Variants in BCKDHB observed in about 807,000 individuals in gnomAD.
BCKDHB encodes the protein branched chain keto acid dehydrogenase E1 subunit beta, also known as 2-oxoisovalerate dehydrogenase subunit beta, mitochondrial.
BCKDHB carries 41 observed loss-of-function variants against 48.5 expected under a neutral mutation model. The observed-to-expected ratio is 0.85, with a 90% CI of 0.66 to 1.10. The LOEUF is 1.10. Ranked by LOEUF, BCKDHB falls within the 50% of genes least tolerant of loss-of-function variation. The pLI, the probability that BCKDHB is intolerant of heterozygous loss-of-function variation, is 0.00. For missense variants in BCKDHB, 496 were observed against 494.2 expected, an observed-to-expected ratio of 1.00 and a Z score of -0.03; for synonymous variants, 201 against 174.8, an observed-to-expected ratio of 1.15 and a Z score of -1.18.
intron 8 of BCKDHB, among the ~76,000 whole-genome samples, chr6:80,223,999 G>A (rs1042150809): frequency 2.0e-5 from 3 of 152,198 alleles, no homozygotes; most frequent in African/African-American, 7.2e-5. Flanking sequence ...GGGATGAGAG[G>A]CTTATTTGGA....
chr6:80,210,501 T>G (rs1774873150), intron 8 of BCKDHB, among the ~76,000 whole-genome samples: 2 of 152,108 alleles, frequency 1.3e-5, no homozygotes, highest in African/African-American at 4.8e-5. Flanking sequence ...TGAGTGCTGA[T>G]TATTCAGGTT....
intron 8 of BCKDHB, among the ~76,000 whole-genome samples, chr6:80,244,940 G>T (rs149004158): frequency 1.3e-5 from 2 of 152,260 alleles, no homozygotes; most frequent in East Asian, 3.9e-4. Flanking sequence ...TCCTAGCTTG[G>T]ATTGAATTCA....
the BCKDHB span, among the ~76,000 whole-genome samples, chr6:80,442,862 C>T: frequency 6.6e-6 from 1 of 152,126 alleles, no homozygotes; most frequent in African/African-American, 2.4e-5. Context: ...AACATGATAG[C>T]AGAGTGTGAT....
At chr6:80,153,197 G>C (rs1461787561) in intron 3 of BCKDHB, among the ~76,000 whole-genome samples, 1 of 152,122 alleles carries the variant, frequency 6.6e-6, no homozygotes, top group African/African-American at 2.4e-5. Flanking sequence ...CCTCTGTTCA[G>C]TGGTAAACCT....
At chr6:80,165,139 A>G (rs1469699511) in intron 3 of BCKDHB, among the ~76,000 whole-genome samples, 2 of 152,170 alleles carry the variant, frequency 1.3e-5, no homozygotes. Context: ...ACTAGCAAGG[A>G]ATCAATAAGA....
chr6:80,222,909 C>T (rs1233939941), intron 8 of BCKDHB, among the ~76,000 whole-genome samples: 1 of 152,098 alleles, frequency 6.6e-6, no homozygotes, highest in South Asian at 2.1e-4. Context: ...ACATAGAATT[C>T]TAACAAACTT....
the BCKDHB span, among the ~76,000 whole-genome samples, chr6:80,365,489 T>A: frequency 1.3e-5 from 2 of 152,038 alleles, no homozygotes; most frequent in African/African-American, 4.8e-5. Context: ...TAGTGATATC[T>A]CTCCTACTTG....
At chr6:80,246,614 C>T (rs1331866184) in intron 8 of BCKDHB, among the ~76,000 whole-genome samples, 2 of 152,152 alleles carry the variant, frequency 1.3e-5, no homozygotes, top group Non-Finnish European at 2.9e-5. Context: ...CAGTGTAAAG[C>T]TTTCAGCTCA....
chr6:80,342,544 G>A (rs1471939413), intron 9 of BCKDHB, among the ~76,000 whole-genome samples: 1 of 55,706 alleles, frequency 1.8e-5, no homozygotes, highest in African/African-American at 7.1e-5. Context: ...AACATAAGAA[G>A]ACCTCATTTC....
intron 8 of BCKDHB, among the ~76,000 whole-genome samples, chr6:80,266,483 A>G (rs564991262): frequency 6.6e-6 from 1 of 152,232 alleles, no homozygotes; most frequent in East Asian, 1.9e-4. Context: ...CCTCTAGTCC[A>G]GTACAATACC....
At chr6:80,445,829 T>C in the BCKDHB span, among the ~76,000 whole-genome samples, 1 of 152,188 alleles carries the variant, frequency 6.6e-6, no homozygotes, top group Non-Finnish European at 1.5e-5. Flanking sequence ...ATTCATTTTA[T>C]TATTCCCCCA....
the BCKDHB span, chr6:80,374,068 T>C: frequency 3.2e-4 from 217 of 687,008 alleles, 2 homozygotes; most frequent in Middle Eastern, 8.3e-4. Flanking sequence ...GATATCTTTT[T>C]CTTCTGGGCA....
intron 1 of BCKDHB, among the ~76,000 whole-genome samples, chr6:80,123,585 A>G (rs920869134): frequency 5.3e-5 from 8 of 152,184 alleles, no homozygotes; most frequent in Admixed American, 2.0e-4. Flanking sequence ...TTATTGTTCT[A>G]TTCAGAGATT....
intron 6 of BCKDHB, among the ~76,000 whole-genome samples, chr6:80,197,298 T>G (rs532532613): frequency 6.6e-6 from 1 of 152,334 alleles, no homozygotes; most frequent in South Asian, 2.1e-4. Context: ...TTTGCCAAAT[T>G]TAAATAAATG....
intron 9 of BCKDHB, among the ~76,000 whole-genome samples, chr6:80,294,635 G>T (rs1767128118): frequency 6.6e-6 from 1 of 152,168 alleles, no homozygotes; most frequent in African/African-American, 2.4e-5. Flanking sequence ...CTCTGGGAGT[G>T]TCTGTCTTAT....
intron 9 of BCKDHB, among the ~76,000 whole-genome samples, chr6:80,317,185 A>G (rs966384399): frequency 6.6e-6 from 1 of 152,160 alleles, no homozygotes; most frequent in Non-Finnish European, 1.5e-5. Context: ...AAATTCAAAG[A>G]TATCTGTGTT....
chr6:80,368,441 G>A, the BCKDHB span, among the ~76,000 whole-genome samples: 1 of 152,210 alleles, frequency 6.6e-6, no homozygotes, highest in South Asian at 2.1e-4. Flanking sequence ...TCTGGTTGTA[G>A]ATTTCCCATA....
the BCKDHB span, among the ~76,000 whole-genome samples, chr6:80,419,565 C>A: frequency 6.6e-6 from 1 of 152,216 alleles, no homozygotes; most frequent in African/African-American, 2.4e-5. Context: ...ATTACAGGCA[C>A]TCCTATACCA....
chr6:80,347,436 C>T (rs1770263468), downstream of BCKDHB, among the ~76,000 whole-genome samples: 1 of 152,182 alleles, frequency 6.6e-6, no homozygotes. Context: ...ACAGGGAACT[C>T]TGCACTGACA....
Sources: gnomAD v4.1 joint callset for allele counts (sites outside exome capture counted in the v4.1 genomes callset) on GRCh38, gnomAD v4.1.1 for gene constraint, MANE v1.5 for transcripts, NCBI Gene and HGNC (gene_info 2026-07-23, HGNC 2026-07-21) for gene names.